H2AC25: variants seen among roughly 807,000 people sequenced by gnomAD.
H2AC25 encodes the protein histone H2A type 3.
chr1:228,457,645 TACTCGAGCACC>T, the H2AC25 span: 1 of 1,613,930 alleles, frequency 6.2e-7, no homozygotes, highest in Non-Finnish European at 8.5e-7. Flanking sequence ...GGCAGTCAAG[TACTCGAGCACC>T]GCGGCCAGAT....
chr1:228,457,834 A>G, the H2AC25 span: 2 of 1,582,358 alleles, frequency 1.3e-6, no homozygotes, highest in South Asian at 1.1e-5. Flanking sequence ...GTCAAGGAAA[A>G]AAGACAACGG....
chr1:228,457,412 G>A, the H2AC25 span: 3 of 1,613,554 alleles, frequency 1.9e-6, no homozygotes, highest in African/African-American at 2.7e-5. Flanking sequence ...GGCCCCGGGG[G>A]CGGCGGGCGG....
the H2AC25 span, chr1:228,457,542 C>T: frequency 6.2e-7 from 1 of 1,614,130 alleles, no homozygotes; most frequent in Non-Finnish European, 8.5e-7. Context: ...TGTTGAGCTC[C>T]TCGTCGTTGC....
At chr1:228,457,591 T>G in the H2AC25 span, 2 of 1,614,050 alleles carry the variant, frequency 1.2e-6, no homozygotes, top group Non-Finnish European at 1.7e-6. Context: ...GATGCGCGTC[T>G]TCTTGTTGTC....
chr1:228,457,422 G>T, the H2AC25 span: 1 of 1,613,834 alleles, frequency 6.2e-7, no homozygotes, highest in African/African-American at 1.3e-5. Flanking sequence ...GCGGCGGGCG[G>T]CCTCACTTGC....
chr1:228,457,766 G>T, the H2AC25 span: 11 of 1,610,930 alleles, frequency 6.8e-6, no homozygotes, highest in South Asian at 1.1e-5. Flanking sequence ...CGCGACGAGC[G>T]CGACTTAGCC....
At chr1:228,457,587 C>T in the H2AC25 span, 1 of 1,614,074 alleles carries the variant, frequency 6.2e-7, no homozygotes, top group Non-Finnish European at 8.5e-7. Context: ...GGATGATGCG[C>T]GTCTTCTTGT....
chr1:228,457,857 G>A, the H2AC25 span: 20 of 1,570,866 alleles, frequency 1.3e-5, no homozygotes, highest in Admixed American at 7.5e-5. Flanking sequence ...ACCGAAAAGC[G>A]AGACTAAAAA....
chr1:228,457,749 C>T, the H2AC25 span: 1 of 1,611,548 alleles, frequency 6.2e-7, no homozygotes, highest in Non-Finnish European at 8.5e-7. Flanking sequence ...GGAACTGCAG[C>T]CCCGCGCGCG....
At chr1:228,457,615 C>A in the H2AC25 span, 1 of 1,613,974 alleles carries the variant, frequency 6.2e-7, no homozygotes, top group Non-Finnish European at 8.5e-7. Context: ...CGCCGCGTTG[C>A]CGGCAAGCTC....
the H2AC25 span, chr1:228,457,707 C>CTT: frequency 6.2e-7 from 1 of 1,613,128 alleles, no homozygotes; most frequent in Non-Finnish European, 8.5e-7. Flanking sequence ...AATAGTTGCC[C>CTT]TTGCGGAGCA....
chr1:228,457,765 C>T, the H2AC25 span: 1 of 1,610,762 alleles, frequency 6.2e-7, no homozygotes, highest in Non-Finnish European at 8.5e-7. Flanking sequence ...GCGCGACGAG[C>T]GCGACTTAGC....
chr1:228,457,797 C>T, the H2AC25 span: 3 of 1,603,538 alleles, frequency 1.9e-6, no homozygotes, highest in South Asian at 2.2e-5. Context: ...CCTTGCCACC[C>T]TGCTTACCAC....
chr1:228,457,432 C>T, the H2AC25 span: 1 of 1,614,048 alleles, frequency 6.2e-7, no homozygotes, highest in Non-Finnish European at 8.5e-7. Context: ...GCCTCACTTG[C>T]CCTTGGCCTT....
At chr1:228,457,780 G>A in the H2AC25 span, 1 of 1,608,736 alleles carries the variant, frequency 6.2e-7, no homozygotes, top group South Asian at 1.1e-5. Context: ...CTTAGCCTTG[G>A]CGCGCGCCTT....
At chr1:228,457,737 G>C in the H2AC25 span, 2 of 1,612,562 alleles carry the variant, frequency 1.2e-6, no homozygotes, top group South Asian at 2.2e-5. Context: ...CGCGGCCCAC[G>C]GGGAACTGCA....
At chr1:228,457,478 C>T in the H2AC25 span, 1 of 1,614,140 alleles carries the variant, frequency 6.2e-7, no homozygotes, top group Non-Finnish European at 8.5e-7. Flanking sequence ...AGCAGTACGG[C>T]CTGGATGTTG....
At chr1:228,457,415 G>T in the H2AC25 span, 2 of 1,613,692 alleles carry the variant, frequency 1.2e-6, no homozygotes, top group East Asian at 4.5e-5. Context: ...CCCGGGGGCG[G>T]CGGGCGGCCT....
chr1:228,457,647 C>T, the H2AC25 span: 2 of 1,613,880 alleles, frequency 1.2e-6, no homozygotes, highest in African/African-American at 1.3e-5. Flanking sequence ...CAGTCAAGTA[C>T]TCGAGCACCG....
Sources: gnomAD v4.1 joint callset for allele counts on GRCh38, gnomAD v4.1.1 for gene constraint, MANE v1.5 for transcripts, NCBI Gene and HGNC (gene_info 2026-07-23, HGNC 2026-07-21) for gene names.